Variants in SORBS2 observed in about 807,000 individuals in gnomAD.
SORBS2 encodes sorbin and SH3 domain-containing protein 2.
SORBS2 carries 46 observed loss-of-function variants against 97.7 expected under a neutral mutation model. The observed-to-expected ratio is 0.47, with a 90% CI of 0.37 to 0.60. The LOEUF (loss-of-function observed/expected upper bound fraction) is 0.60, where lower values mean the gene tolerates loss of function less well. Ranked by LOEUF, SORBS2 falls within the 20% of genes least tolerant of loss-of-function variation. The probability of loss-of-function intolerance (pLI) is 0.00; values close to 1 mark genes in which losing one functional copy is unlikely to be tolerated. For synonymous variants in SORBS2, 476 were observed against 473.4 expected, an observed-to-expected ratio of 1.01 and a Z score of -0.07; for missense variants, 1,316 against 1,282.3, an observed-to-expected ratio of 1.03 and a Z score of -0.40.
At chr4:185,743,102 G>A (rs974843722) in intron 2 of SORBS2, among the ~76,000 whole-genome samples, 8 of 152,144 alleles carry the variant, frequency 5.3e-5, no homozygotes, top group African/African-American at 1.9e-4. Flanking sequence ...GGTTAGAAAG[G>A]GGGTAAGGTT....
intron 1 of SORBS2, among the ~76,000 whole-genome samples, chr4:185,951,895 C>T (rs1481737040): frequency 1.3e-5 from 2 of 152,124 alleles, no homozygotes; most frequent in African/African-American, 4.8e-5. Flanking sequence ...TTTTGCTAGC[C>T]AGGCAATCAT....
At chr4:185,709,680 T>G (rs1384018988) in intron 2 of SORBS2, among the ~76,000 whole-genome samples, 1 of 152,108 alleles carries the variant, frequency 6.6e-6, no homozygotes, top group Non-Finnish European at 1.5e-5. Context: ...GTTAGCAAAC[T>G]CCACTCATTT....
In SORBS2 at chr4:185,623,479, G is replaced by GTGGTGA. The variant is rs777004085; in HGVS notation, c.1644_1649dup (p.His553_His554dup). ...TGATGAGGTGGCGGTGGTGGTGGTG[G>GTGGTGA]TGGTGATGGTGGTGGTGGTGGCTGG... is the stretch of plus-strand genomic sequence containing the variant. On this transcript the variant is annotated inframe_insertion, in exon 7 of 15. Coordinates refer to ENST00000418609, the Ensembl canonical transcript of SORBS2. The surrounding 1 kb of genome is among the most constrained non-coding windows in gnomAD (Gnocchi z 6.4). 7.4e-6 allele frequency: 12 copies of GTGGTGA among 1,612,958 alleles called. No individual in the cohort carries two copies. In the Admixed American group the frequency reaches 2.0e-4, roughly 27 times the overall value.
chr4:185,730,597 CTT>C (rs1466266486), intron 2 of SORBS2, among the ~76,000 whole-genome samples: 2 of 152,230 alleles, frequency 1.3e-5, no homozygotes, highest in Admixed American at 6.5e-5. Context: ...GAGCGAGTCT[CTT>C]TGTAGTTCCT....
chr4:185,638,850 A>G, intron 4 of SORBS2, 27 bp downstream of exon 14: 1 of 1,429,474 alleles, frequency 7.0e-7, no homozygotes, highest in Non-Finnish European at 9.1e-7. Context: ...CCGGGCATGA[A>G]GAAAGGTAAG....
chr4:185,815,962 A>C (rs1256866396), intron 1 of SORBS2, among the ~76,000 whole-genome samples: 1 of 152,258 alleles, frequency 6.6e-6, no homozygotes, highest in Non-Finnish European at 1.5e-5. Flanking sequence ...GGTTAAGATT[A>C]GTTGATGAAG....
In SORBS2 at chr4:185,864,103, A is replaced by T. The variant is rs535903982; in HGVS notation, c.-337-88737T>A. 2.8e-4 allele frequency among the ~76,000 whole-genome samples: 42 copies of T among 152,350 alleles called. No individual in the cohort carries two copies. The South Asian group carries it at 8.1e-3, about 29-fold the overall frequency. ...TTTTAACTCTCTTATCAATAAGCAG[A>T]TGCCTTTTCAAGTTATAAAAAGTGT... On this transcript the variant is annotated intron_variant, in intron 1 of 20. Coordinates refer to the SORBS2 transcript ENST00000284776.
intron 1 of SORBS2, among the ~76,000 whole-genome samples, chr4:185,853,194 A>C (rs1321528970): frequency 6.6e-6 from 1 of 152,184 alleles, no homozygotes; most frequent in Non-Finnish European, 1.5e-5. Flanking sequence ...GTTTCAGATA[A>C]ATAATAGCGA....
At chr4:185,791,561 TCTTGA>T (rs779573974) in intron 1 of SORBS2, among the ~76,000 whole-genome samples, 5 of 152,128 alleles carry the variant, frequency 3.3e-5, no homozygotes, top group South Asian at 2.1e-4. Context: ...GAAGATGACC[TCTTGA>T]CTTGTTTTTT....
chr4:185,640,258 G>A (rs983936746), intron 4 of SORBS2, among the ~76,000 whole-genome samples: 4 of 152,130 alleles, frequency 2.6e-5, no homozygotes, highest in Admixed American at 6.6e-5. Flanking sequence ...CAGTCAAAAC[G>A]GAATCTAACC....
At chr4:185,862,848 C>T (rs1397838542) in intron 1 of SORBS2, among the ~76,000 whole-genome samples, 1 of 152,152 alleles carries the variant, frequency 6.6e-6, no homozygotes, top group African/African-American at 2.4e-5. Context: ...ACACCTGACA[C>T]CTCTGGATTG....
intron 2 of SORBS2, among the ~76,000 whole-genome samples, chr4:185,725,283 G>T (rs755158167): frequency 6.6e-6 from 1 of 152,176 alleles, no homozygotes; most frequent in Non-Finnish European, 1.5e-5. Flanking sequence ...AGGCTGCAGA[G>T]GTTCTTGTTT....
Position 185,814,689 on chromosome 4 carries a change from C to T in SORBS2, c.-337-39323G>A, listed in dbSNP as rs185420743. Among the ~76,000 whole-genome samples the T allele has an allele frequency of 1.6e-3, 251 of 152,346 alleles. 2 individuals are homozygous for T. The highest frequency in any genetic ancestry group is 5.4e-3 in the African/African-American group (224 of 41,570). ...GCTCCTCCAAAGAGAACTGGAAGTC[C>T]CCCAGTTTGCACTGAACCGGAACTG... On this transcript the variant is annotated intron_variant, in intron 1 of 20. Transcript: ENST00000284776.
At chr4:185,750,296 T>G (rs1400515670) in intron 2 of SORBS2, among the ~76,000 whole-genome samples, 1 of 152,226 alleles carries the variant, frequency 6.6e-6, no homozygotes, top group East Asian at 1.9e-4. Context: ...CTGCTTCATT[T>G]CATCACCATC....
At chr4:185,817,658 G>T (rs1026876850) in intron 1 of SORBS2, among the ~76,000 whole-genome samples, 32 of 152,166 alleles carry the variant, frequency 2.1e-4, no homozygotes, top group African/African-American at 7.7e-4. Flanking sequence ...AATTAGTAAC[G>T]AAACGCACCA....
At chr4:185,954,269 T>A (rs2150036078) in intron 1 of SORBS2, among the ~76,000 whole-genome samples, 1 of 152,328 alleles carries the variant, frequency 6.6e-6, no homozygotes, top group South Asian at 2.1e-4. Flanking sequence ...TCAAAAGCAA[T>A]GCCTTTTAAA....
At chr4:185,893,410 A>C (rs1445055204) in intron 1 of SORBS2, among the ~76,000 whole-genome samples, 1 of 152,218 alleles carries the variant, frequency 6.6e-6, no homozygotes, top group Non-Finnish European at 1.5e-5. Context: ...ACCCACTAGC[A>C]GGGCTGGAGC....
intron 1 of SORBS2, among the ~76,000 whole-genome samples, chr4:185,894,903 G>C (rs1170072226): frequency 6.6e-6 from 1 of 152,174 alleles, no homozygotes; most frequent in Admixed American, 6.5e-5. Flanking sequence ...AGACAGGAGG[G>C]GCATGATCAC....
At chr4:185,738,031 G>A (rs984051398) in intron 2 of SORBS2, among the ~76,000 whole-genome samples, 3 of 152,164 alleles carry the variant, frequency 2.0e-5, no homozygotes, top group Admixed American at 1.3e-4. Flanking sequence ...GGGAAGCCAC[G>A]GCATCAAGAA....
Sources: gnomAD v4.1 joint callset for allele counts (sites outside exome capture counted in the v4.1 genomes callset) on GRCh38, gnomAD v4.1.1 for gene constraint, Gnocchi (gnomAD v3.1) non-coding constraint, MANE v1.5 for transcripts, NCBI Gene and HGNC (gene_info 2026-07-23, HGNC 2026-07-21) for gene names.